SLC25A30: variants seen among roughly 807,000 people sequenced by gnomAD.
The protein encoded by SLC25A30 is solute carrier family 25 member 30, also known as kidney mitochondrial carrier protein 1.
SLC25A30 carries 29 observed loss-of-function variants against 42.7 expected under a neutral mutation model. The observed-to-expected ratio is 0.68, with a 90% CI of 0.51 to 0.93. The LOEUF is 0.93. Ranked by LOEUF, SLC25A30 falls within the 40% of genes least tolerant of loss-of-function variation. The probability of loss-of-function intolerance (pLI) is 0.00; values close to 1 mark genes in which losing one functional copy is unlikely to be tolerated. For synonymous variants in SLC25A30, 124 were observed against 131.0 expected (o/e 0.95, Z 0.37); for missense variants, 300 against 359.7 (o/e 0.83, Z 1.34).
At chr13:45,429,931 A>G in the SLC25A30 span, among the ~76,000 whole-genome samples, 1 of 152,028 alleles carries the variant, frequency 6.6e-6, no homozygotes, top group Non-Finnish European at 1.5e-5. Context: ...TCCTGGAAAT[A>G]TATTGCCAAG....
chr13:45,402,843 A>G, intron 5 of SLC25A30: 1 of 985,372 alleles, frequency 1.0e-6, no homozygotes, highest in East Asian at 1.1e-4. Flanking sequence ...ACCAAAAGGT[A>G]TGCAGGCGAG....
At chr13:45,403,673 C>G (rs1021505222) in intron 5 of SLC25A30, among the ~76,000 whole-genome samples, 2 of 151,998 alleles carry the variant, frequency 1.3e-5, no homozygotes. Context: ...CACGGTGGCT[C>G]ACACCTGTAA....
chr13:45,404,214 A>G (rs761183048), intron 5 of SLC25A30, 113 bp downstream of exon 5: 9 of 765,772 alleles, frequency 1.2e-5, no homozygotes, highest in Non-Finnish European at 1.8e-5. Flanking sequence ...CACTTAAATT[A>G]TAAACAGATT....
the SLC25A30 span, among the ~76,000 whole-genome samples, chr13:45,424,409 AT>A: frequency 3.0e-5 from 2 of 65,724 alleles, no homozygotes; most frequent in African/African-American, 1.2e-4. Flanking sequence ...ATATATAAAA[AT>A]ATATATAAAT....
At chr13:45,404,052 C>T (rs182579086) in intron 5 of SLC25A30, among the ~76,000 whole-genome samples, 459 of 152,224 alleles carry the variant, frequency 3.0e-3, no homozygotes, top group Non-Finnish European at 4.7e-3. Flanking sequence ...GAACATTTTC[C>T]GTGAAAAACG....
Position 45,411,380 on chromosome 13 carries a change from A to G in SLC25A30, c.46T>C (p.Ser16Pro), listed in dbSNP as rs762285387. ...TCCTTACCGCACTCAGCAGTGATGGAGGCCAGCCCCCCGTACACAAACGGC... is the reference window on the plus strand; with the variant it reads ...TCCTTACCGCACTCAGCAGTGATGGGGGCCAGCCCCCCGTACACAAACGGC... ...WKPFVYGGLA[S>P]ITAECGTFPI... The change falls in exon 2 of 10, where the codon TCC (serine) becomes CCC (proline). Residue 16 changes from serine (S) to proline (P), a missense_variant. Ser to Pro is a moderately conservative substitution (Grantham distance 74, BLOSUM62 -1). Coordinates refer to ENST00000519676, the MANE Select transcript of SLC25A30 (RefSeq NM_001010875.4). 4.3e-6 allele frequency: 7 copies of G among 1,614,010 alleles called. No homozygotes were observed. The highest frequency in any genetic ancestry group is 5.9e-6 in the Non-Finnish European group (7 of 1,179,864).
chr13:45,415,996 C>T (rs1256124309), intron 1 of SLC25A30, among the ~76,000 whole-genome samples: 1 of 151,028 alleles, frequency 6.6e-6, no homozygotes, highest in East Asian at 2.1e-4. Context: ...GATGGGGTTT[C>T]ACCATGTTGG....
At chr13:45,415,751 C>CA (rs367807886) in intron 1 of SLC25A30, among the ~76,000 whole-genome samples, 33,320 of 85,862 alleles carry the variant, frequency 0.39, 6,141 homozygotes, top group Non-Finnish European at 0.5. Context: ...GACTCCATCA[C>CA]AAAAAAAAAA....
At chr13:45,430,048 G>T in the SLC25A30 span, among the ~76,000 whole-genome samples, 8 of 151,926 alleles carry the variant, frequency 5.3e-5, no homozygotes, top group South Asian at 1.7e-3. Flanking sequence ...CCTAGAAAAT[G>T]AAGCTAAATT....
intron 1 of SLC25A30, among the ~76,000 whole-genome samples, chr13:45,413,327 CATATA>C (rs1325436574): frequency 1.3e-5 from 2 of 152,162 alleles, no homozygotes. Flanking sequence ...ATTCATAACT[CATATA>C]ATAGTTAAGA....
At chr13:45,419,719 C>T (rs1028275577), upstream of SLC25A30, among the ~76,000 whole-genome samples, 2 of 150,554 alleles carry the variant, frequency 1.3e-5, no homozygotes, top group Non-Finnish European at 3.0e-5. Flanking sequence ...CACCTGAGGT[C>T]GGGAGTTCGA....
At chr13:45,408,823 C>G (rs1882745616) in intron 3 of SLC25A30, 104 bp downstream of exon 3, 4 of 1,035,354 alleles carry the variant, frequency 3.9e-6, no homozygotes, top group Non-Finnish European at 5.3e-6. Context: ...TCTTTTCAAA[C>G]ACACCTCAAA....
intron 5 of SLC25A30, among the ~76,000 whole-genome samples, chr13:45,403,382 C>A (rs955623816): frequency 8.6e-5 from 13 of 151,918 alleles, no homozygotes; most frequent in Non-Finnish European, 1.6e-4. Flanking sequence ...ATGGCGTATA[C>A]CAACTGGTAC....
At position 45,395,728 on chromosome 13, in the gene SLC25A30, C is replaced by G; in HGVS notation, c.*246G>C. 1 of 1,389,362 alleles carries G rather than the reference C, an allele frequency of 7.2e-7. No individual in the cohort carries two copies. Among genetic ancestry groups the G allele is most frequent in the Non-Finnish European group, 9.3e-7 (1 of 1,070,664 alleles). The allele number at this position is 1,389,362 out of a possible 1,614,324, so 86.1% of individuals were successfully genotyped here. A position where few individuals can be genotyped will look rare whatever the true frequency, so the allele number is the denominator to read the frequency against. On this transcript the variant is annotated 3_prime_UTR_variant, in exon 10 of 10. Transcript: ENST00000519676. ...AAGAAACATGCATTTCACATATTAT[C>G]TTTGATGTTGAAGGGCACTTCAGTG...
intron 1 of SLC25A30, among the ~76,000 whole-genome samples, chr13:45,417,296 C>G (rs541446082): frequency 6.6e-6 from 1 of 152,320 alleles, no homozygotes; most frequent in Non-Finnish European, 1.5e-5. Flanking sequence ...CAGGCCTGAG[C>G]CACCGCTCCC....
the SLC25A30 span, among the ~76,000 whole-genome samples, chr13:45,431,636 G>A: frequency 1.3e-4 from 19 of 150,268 alleles, no homozygotes; most frequent in South Asian, 4.1e-3. Context: ...TGCCCACCTC[G>A]GCCTCCCAAA....
At chr13:45,403,553 T>C (rs1244998387) in intron 5 of SLC25A30, among the ~76,000 whole-genome samples, 1 of 152,258 alleles carries the variant, frequency 6.6e-6, no homozygotes, top group African/African-American at 2.4e-5. Context: ...GCTCTATCCC[T>C]AGTATTTTCA....
chr13:45,415,480 G>A (rs971911909), intron 1 of SLC25A30, among the ~76,000 whole-genome samples: 1 of 152,070 alleles, frequency 6.6e-6, no homozygotes, highest in Non-Finnish European at 1.5e-5. Flanking sequence ...GCCGGGTGTG[G>A]TGGCTCAAGC....
At chr13:45,430,067 A>G in the SLC25A30 span, among the ~76,000 whole-genome samples, 4 of 152,062 alleles carry the variant, frequency 2.6e-5, no homozygotes, top group African/African-American at 9.7e-5. Flanking sequence ...TTTTTTTTTA[A>G]TGAAGGCAAC....
Sources: gnomAD v4.1 joint callset for allele counts (sites outside exome capture counted in the v4.1 genomes callset) on GRCh38, gnomAD v4.1.1 for gene constraint, MANE v1.5 for transcripts, NCBI Gene and HGNC (gene_info 2026-07-23, HGNC 2026-07-21) for gene names.